Variants in TMEM132D observed in about 807,000 individuals in gnomAD.
TMEM132D encodes mature OL transmembrane protein.
TMEM132D carries 21 observed loss-of-function variants against 62.3 expected under a neutral mutation model. That is an observed-to-expected ratio of 0.34 (90% CI 0.24 to 0.49). The LOEUF (loss-of-function observed/expected upper bound fraction) is 0.49, where lower values mean the gene tolerates loss of function less well. Ranked by LOEUF, TMEM132D falls within the 20% of genes least tolerant of loss-of-function variation. TMEM132D has a pLI of 0.99. For synonymous variants in TMEM132D, 621 were observed against 575.6 expected (o/e 1.08, Z -1.13); for missense variants, 1,346 against 1,402.8 (o/e 0.96, Z 0.65).
At chr12:129,366,306 T>A (rs1374355719) in intron 3 of TMEM132D, among the ~76,000 whole-genome samples, 1 of 152,156 alleles carries the variant, frequency 6.6e-6, no homozygotes, top group Non-Finnish European at 1.5e-5. Context: ...GGATTTCTCA[T>A]GAATTCTTTA....
At chr12:129,713,445 G>A (rs1271296142) in intron 1 of TMEM132D, among the ~76,000 whole-genome samples, 1 of 151,746 alleles carries the variant, frequency 6.6e-6, no homozygotes, top group Non-Finnish European at 1.5e-5. Context: ...ACCTCAAGTA[G>A]TGTATGCAAA....
At chr12:129,463,842 T>C (rs963348439) in intron 3 of TMEM132D, among the ~76,000 whole-genome samples, 2 of 151,904 alleles carry the variant, frequency 1.3e-5, no homozygotes, top group African/African-American at 4.8e-5. Context: ...CCATGGTGTA[T>C]ATGTGCCACA....
intron 3 of TMEM132D, among the ~76,000 whole-genome samples, chr12:129,500,624 A>G (rs1875110823): frequency 6.6e-6 from 1 of 152,158 alleles, no homozygotes; most frequent in Non-Finnish European, 1.5e-5. Context: ...TAAACACAAC[A>G]TGGTATTAGG....
intron 1 of TMEM132D, among the ~76,000 whole-genome samples, chr12:129,801,925 A>G (rs1871802173): frequency 6.6e-6 from 1 of 151,754 alleles, no homozygotes; most frequent in African/African-American, 2.4e-5. Context: ...ATCAACTGGA[A>G]GAAAGGGTAT....
At chr12:129,596,268 T>C (rs1878333969) in intron 2 of TMEM132D, among the ~76,000 whole-genome samples, 1 of 152,202 alleles carries the variant, frequency 6.6e-6, no homozygotes. Flanking sequence ...CATGGGACAC[T>C]GGCAGGTGAG....
intron 3 of TMEM132D, among the ~76,000 whole-genome samples, chr12:129,482,384 C>A (rs569869214): frequency 6.6e-6 from 1 of 152,294 alleles, no homozygotes; most frequent in African/African-American, 2.4e-5. Flanking sequence ...AAAGCATACC[C>A]ATGCTATATT....
intron 3 of TMEM132D, among the ~76,000 whole-genome samples, chr12:129,525,857 G>T (rs1876018318): frequency 6.6e-6 from 1 of 152,158 alleles, no homozygotes; most frequent in Admixed American, 6.5e-5. Flanking sequence ...GTAATCCATA[G>T]TCAATAGGGA....
chr12:129,513,808 AT>A (rs1328120954), intron 3 of TMEM132D, among the ~76,000 whole-genome samples: 1 of 100,224 alleles, frequency 1.0e-5, no homozygotes, highest in African/African-American at 4.2e-5. Flanking sequence ...TTTTATTTTT[AT>A]TTATTTATTT....
At position 129,105,796 on chromosome 12, in the gene TMEM132D, G is replaced by A. The variant is rs529474860; in HGVS notation, c.1444-21094C>T. Among the ~76,000 whole-genome samples, 539 of 151,514 alleles carry A rather than the reference G, an allele frequency of 3.6e-3. 16 individuals are homozygous for A. Among genetic ancestry groups the A allele is most frequent in the African/African-American group, 0.013 (518 of 40,868 alleles). On this transcript the variant is annotated intron_variant, in intron 5 of 8. Coordinates refer to ENST00000422113, the MANE Select transcript of TMEM132D (RefSeq NM_133448.3). ...GTGCTGGAGAGGATGTGGAGAAATAGGAACAGTTTTACACTGTTGGTGGGA... is the reference window on the plus strand; with the variant it reads ...GTGCTGGAGAGGATGTGGAGAAATAAGAACAGTTTTACACTGTTGGTGGGA...
In TMEM132D at chr12:129,700,820, C is replaced by G; in HGVS notation, c.80-122G>C. On this transcript the variant is annotated intron_variant, in intron 1 of 8. Coordinates refer to ENST00000422113, the MANE Select transcript of TMEM132D (RefSeq NM_133448.3). ...TGTCTTCGCGCCAATTATGCAATTC[C>G]TTATCCAAACCTCTTAATCCAATCT... is the stretch of plus-strand genomic sequence containing the variant. The G allele has an allele frequency of 1.8e-6, 2 of 1,130,134 alleles. 1 individual carries two copies. The allele number at this position is 1,130,134 out of a possible 1,614,324, so 70.0% of individuals were successfully genotyped here. A position where few individuals can be genotyped will look rare whatever the true frequency, so the allele number is the denominator to read the frequency against.
At chr12:129,409,404 G>A (rs1453218089) in intron 3 of TMEM132D, among the ~76,000 whole-genome samples, 3 of 152,106 alleles carry the variant, frequency 2.0e-5, no homozygotes, top group Non-Finnish European at 2.9e-5. Flanking sequence ...GCACGCACGC[G>A]CCTAGAAGAG....
At position 129,567,204 on chromosome 12, in the gene TMEM132D, T is replaced by G. The variant is rs569990832; in HGVS notation, c.969-35999A>C. 3.3e-5 allele frequency among the ~76,000 whole-genome samples: 5 copies of G among 152,364 alleles called. No individual in the cohort carries two copies. In the South Asian group the frequency reaches 1.0e-3, roughly 32 times the overall value. ...TTTCCTGATGACATTGGTGCTGATA[T>G]TTAAAAGAAAATGTGATTTTTTGAT... On this transcript the variant is annotated intron_variant, in intron 2 of 8. Transcript: ENST00000422113.
intron 4 of TMEM132D, among the ~76,000 whole-genome samples, chr12:129,313,559 G>A (rs896985118): frequency 1.1e-4 from 15 of 136,574 alleles, no homozygotes; most frequent in African/African-American, 2.7e-4. Context: ...ATATATATGT[G>A]TGTGTGTGTG....
chr12:129,351,293 C>CA (rs1347459745), intron 3 of TMEM132D, among the ~76,000 whole-genome samples: 2 of 152,160 alleles, frequency 1.3e-5, no homozygotes, highest in Non-Finnish European at 2.9e-5. Context: ...CCATAGGTGA[C>CA]AAAAACGGGC....
intron 3 of TMEM132D, among the ~76,000 whole-genome samples, chr12:129,431,200 CCT>C (rs539024444): frequency 7.9e-5 from 12 of 152,352 alleles, no homozygotes; most frequent in Admixed American, 5.9e-4. Flanking sequence ...GCCATTATTC[CCT>C]GTTTACCGAT....
At chr12:129,483,187 T>A (rs986452631) in intron 3 of TMEM132D, among the ~76,000 whole-genome samples, 1 of 152,224 alleles carries the variant, frequency 6.6e-6, no homozygotes, top group African/African-American at 2.4e-5. Flanking sequence ...GAACGTACAG[T>A]CTGCATGTCT....
chr12:129,154,405 A>G (rs1285111563), intron 5 of TMEM132D, among the ~76,000 whole-genome samples: 1 of 152,192 alleles, frequency 6.6e-6, no homozygotes, highest in Non-Finnish European at 1.5e-5. Flanking sequence ...TGATGTATTC[A>G]TTAACTCAAC....
At chr12:129,267,077 G>A (rs1410378757) in intron 4 of TMEM132D, among the ~76,000 whole-genome samples, 2 of 152,158 alleles carry the variant, frequency 1.3e-5, no homozygotes, top group Non-Finnish European at 1.5e-5. Flanking sequence ...TCTCTGGGCT[G>A]GTGCCATTTC....
chr12:129,746,429 GA>G (rs1869780524), intron 1 of TMEM132D, among the ~76,000 whole-genome samples: 1 of 152,132 alleles, frequency 6.6e-6, no homozygotes, highest in Non-Finnish European at 1.5e-5. Context: ...CAGCATCCTG[GA>G]CCAGGGTCAT....
Sources: allele counts gnomAD v4.1 joint callset (sites outside exome capture counted in the v4.1 genomes callset), GRCh38; gene constraint gnomAD v4.1.1; transcripts MANE v1.5; gene names NCBI Gene and HGNC (gene_info 2026-07-23, HGNC 2026-07-21).